The following ABTB3 variants were observed in gnomAD, a reference collection of about 807,000 sequenced individuals.
ABTB3 encodes ankyrin repeat and BTB domain containing 3.
the ABTB3 span, among the ~76,000 whole-genome samples, chr12:107,481,896 TC>T: frequency 1.5e-3 from 181 of 124,444 alleles, no homozygotes; most frequent in African/African-American, 5.5e-3. Flanking sequence ...TCTCTCTCTC[TC>T]TCTCTCTCTC....
chr12:107,579,116 C>T, the ABTB3 span, among the ~76,000 whole-genome samples: 1 of 152,114 alleles, frequency 6.6e-6, no homozygotes, highest in Non-Finnish European at 1.5e-5. Flanking sequence ...TCAGGAGGAA[C>T]GTCTAGGGAG....
chr12:107,423,129 C>G, the ABTB3 span, among the ~76,000 whole-genome samples: 7 of 152,132 alleles, frequency 4.6e-5, no homozygotes, highest in East Asian at 5.8e-4. Context: ...TCCCTTCCCC[C>G]CTAAAGTTGT....
the ABTB3 span, among the ~76,000 whole-genome samples, chr12:107,647,410 TG>T: frequency 1.3e-3 from 202 of 151,792 alleles, 1 homozygote; most frequent in African/African-American, 4.6e-3. Flanking sequence ...GAGGCTGAGG[TG>T]GGGGGATTGC....
the ABTB3 span, among the ~76,000 whole-genome samples, chr12:107,539,259 C>G: frequency 6.6e-6 from 1 of 152,126 alleles, no homozygotes; most frequent in African/African-American, 2.4e-5. Context: ...AAAACATTGT[C>G]TCAGTGCCCG....
the ABTB3 span, chr12:107,617,453 CA>C: frequency 9.3e-6 from 15 of 1,613,194 alleles, no homozygotes; most frequent in South Asian, 1.6e-4. Context: ...TAGGATGGGC[CA>C]AAGCCAGAGG....
the ABTB3 span, among the ~76,000 whole-genome samples, chr12:107,593,289 G>C: frequency 2.0e-5 from 3 of 152,084 alleles, no homozygotes; most frequent in Admixed American, 2.0e-4. Context: ...GAGAACATGC[G>C]GTCCTCAAAG....
the ABTB3 span, among the ~76,000 whole-genome samples, chr12:107,412,833 A>G: frequency 6.6e-6 from 1 of 151,976 alleles, no homozygotes; most frequent in Non-Finnish European, 1.5e-5. Context: ...CTCATTTGAT[A>G]GCCCCCAAAC....
the ABTB3 span, among the ~76,000 whole-genome samples, chr12:107,597,272 C>T: frequency 6.6e-6 from 1 of 152,150 alleles, no homozygotes; most frequent in South Asian, 2.1e-4. Context: ...AGAGAGTAGC[C>T]ATAATGGACA....
At chr12:107,393,090 G>A in the ABTB3 span, among the ~76,000 whole-genome samples, 151 of 152,248 alleles carry the variant, frequency 9.9e-4, 1 homozygote, top group Admixed American at 2.2e-3. Context: ...TTCTGCAGCC[G>A]CCGCTGAAGA....
the ABTB3 span, among the ~76,000 whole-genome samples, chr12:107,435,188 C>T: frequency 6.6e-6 from 1 of 152,232 alleles, no homozygotes; most frequent in Admixed American, 6.5e-5. Context: ...TGTTGCTGCT[C>T]TGTGGGCACA....
chr12:107,389,121 A>G, the ABTB3 span, among the ~76,000 whole-genome samples: 1 of 152,066 alleles, frequency 6.6e-6, no homozygotes, highest in African/African-American at 2.4e-5. Context: ...TTCAAAGATC[A>G]CAAGCTTATT....
At chr12:107,534,795 A>G in the ABTB3 span, among the ~76,000 whole-genome samples, 1 of 152,210 alleles carries the variant, frequency 6.6e-6, no homozygotes, top group African/African-American at 2.4e-5. Context: ...TGACTCAGTA[A>G]TAAACATTCT....
the ABTB3 span, among the ~76,000 whole-genome samples, chr12:107,345,485 C>T: frequency 6.6e-6 from 1 of 152,016 alleles, no homozygotes; most frequent in Non-Finnish European, 1.5e-5. Flanking sequence ...AAAATCCAAC[C>T]CAAACTCACT....
the ABTB3 span, among the ~76,000 whole-genome samples, chr12:107,385,232 G>C: frequency 6.6e-6 from 1 of 152,208 alleles, no homozygotes; most frequent in African/African-American, 2.4e-5. Context: ...ACACGAACAG[G>C]CTCTGTCCTC....
the ABTB3 span, among the ~76,000 whole-genome samples, chr12:107,508,373 C>A: frequency 6.7e-6 from 1 of 149,842 alleles, no homozygotes; most frequent in African/African-American, 2.5e-5. Flanking sequence ...GTCCAAAAAG[C>A]TGCCCCCTCA....
chr12:107,357,371 G>A, the ABTB3 span, among the ~76,000 whole-genome samples: 3 of 152,204 alleles, frequency 2.0e-5, no homozygotes, highest in Non-Finnish European at 4.4e-5. Flanking sequence ...GACTCAGGAA[G>A]CCAAGACAGG....
At chr12:107,443,775 C>G in the ABTB3 span, among the ~76,000 whole-genome samples, 1 of 151,970 alleles carries the variant, frequency 6.6e-6, no homozygotes, top group African/African-American at 2.4e-5. Context: ...TGGTGGAGAC[C>G]CCAACAGGGC....
the ABTB3 span, among the ~76,000 whole-genome samples, chr12:107,632,601 T>C: frequency 6.6e-6 from 1 of 152,194 alleles, no homozygotes; most frequent in Admixed American, 6.5e-5. Context: ...CAAATGACCA[T>C]AATTCAGAGG....
chr12:107,332,589 T>C, the ABTB3 span, among the ~76,000 whole-genome samples: 1 of 151,896 alleles, frequency 6.6e-6, no homozygotes, highest in Non-Finnish European at 1.5e-5. Context: ...GACTGAGGAG[T>C]ACTTACCCAG....
Sources: gnomAD v4.1 joint callset for allele counts (sites outside exome capture counted in the v4.1 genomes callset) on GRCh38, gnomAD v4.1.1 for gene constraint, MANE v1.5 for transcripts, NCBI Gene and HGNC (gene_info 2026-07-23, HGNC 2026-07-21) for gene names.